Variants in PDIA6 observed in about 807,000 individuals in gnomAD.
PDIA6 encodes protein disulfide isomerase family A member 6.
In PDIA6, 29 loss-of-function variants were observed where a neutral mutation model predicts 58.4. That is an observed-to-expected ratio of 0.50 (90% CI 0.37 to 0.68). The LOEUF (loss-of-function observed/expected upper bound fraction) is 0.68, where lower values mean the gene tolerates loss of function less well. Ranked by LOEUF, PDIA6 falls within the 30% of genes least tolerant of loss-of-function variation. The pLI, the probability that PDIA6 is intolerant of heterozygous loss-of-function variation, is 0.00. For synonymous variants in PDIA6, 192 were observed against 202.6 expected, an observed-to-expected ratio of 0.95 and a Z score of 0.44; for missense variants, 480 against 551.0, an observed-to-expected ratio of 0.87 and a Z score of 1.29.
chr2:10,802,442 T>C (rs1666551557), intron 2 of PDIA6, 57 bp downstream of exon 2: 17 of 1,121,360 alleles, frequency 1.5e-5, no homozygotes, highest in Admixed American at 3.1e-5. Flanking sequence ...TTATACAGCG[T>C]TTTCTCCAAT....
chr2:10,788,065 CAAAA>C (rs565180851), intron 10 of PDIA6, among the ~76,000 whole-genome samples: 1 of 102,166 alleles, frequency 9.8e-6, no homozygotes, highest in Non-Finnish European at 1.9e-5. Flanking sequence ...GACTCTGTCT[CAAAA>C]AAAAAAAAAA....
intron 1 of PDIA6, among the ~76,000 whole-genome samples, chr2:10,809,225 A>T (rs901941326): frequency 6.6e-6 from 1 of 152,238 alleles, no homozygotes; most frequent in African/African-American, 2.4e-5. Flanking sequence ...TAGAAAATTT[A>T]AAATTACATA....
At chr2:10,806,545 T>C (rs1358245817) in intron 1 of PDIA6, among the ~76,000 whole-genome samples, 1 of 148,184 alleles carries the variant, frequency 6.7e-6, no homozygotes, top group Non-Finnish European at 1.5e-5. Context: ...GAGGCCAAAG[T>C]GGGAGGACTG....
chr2:10,827,153 T>A (rs1667575655), intron 1 of PDIA6, among the ~76,000 whole-genome samples: 1 of 152,150 alleles, frequency 6.6e-6, no homozygotes, highest in African/African-American at 2.4e-5. Flanking sequence ...AACCTCCGCC[T>A]CCCGGGTTTA....
At chr2:10,819,326 T>A in exon 2 of PDIA6, 2 of 1,539,196 alleles carry the variant, frequency 1.3e-6, no homozygotes, top group Non-Finnish European at 1.8e-6. Flanking sequence ...TTTTCCTTGA[T>A]AGGGAGTGGG....
intron 1 of PDIA6, among the ~76,000 whole-genome samples, chr2:10,829,020 C>T (rs559324588): frequency 2.0e-5 from 3 of 152,358 alleles, no homozygotes; most frequent in South Asian, 2.1e-4. Flanking sequence ...ACCCAGGTCA[C>T]CCTCTCTTCT....
At chr2:10,834,519 C>T (rs911805835), upstream of PDIA6, among the ~76,000 whole-genome samples, 4 of 152,072 alleles carry the variant, frequency 2.6e-5, no homozygotes, top group African/African-American at 7.2e-5. Context: ...TCCCTGAGCG[C>T]CTGGCAGGAC....
intron 7 of PDIA6, among the ~76,000 whole-genome samples, chr2:10,790,346 TATCA>T (rs1665977802): frequency 6.6e-6 from 1 of 152,176 alleles, no homozygotes; most frequent in Non-Finnish European, 1.5e-5. Flanking sequence ...AGAGGTCAAT[TATCA>T]ATCAGGGAGT....
intron 1 of PDIA6, among the ~76,000 whole-genome samples, chr2:10,829,162 G>C (rs1667636578): frequency 6.6e-6 from 1 of 152,186 alleles, no homozygotes; most frequent in South Asian, 2.1e-4. Context: ...CTTTTGGAGA[G>C]GCTCTGGGCT....
At chr2:10,798,571 C>T (rs892199004) in intron 2 of PDIA6, among the ~76,000 whole-genome samples, 3 of 56,454 alleles carry the variant, frequency 5.3e-5, no homozygotes, top group South Asian at 7.9e-4. Flanking sequence ...CTGTCCCCCA[C>T]CCAAAAAAAA....
chr2:10,835,241 G>GT (rs1475850089), upstream of PDIA6, among the ~76,000 whole-genome samples: 1 of 152,178 alleles, frequency 6.6e-6, no homozygotes, highest in Admixed American at 6.5e-5. Context: ...AGGAAGTGCT[G>GT]TTTCCATCCC....
intron 2 of PDIA6, 25 bp from the exon 3 acceptor site, chr2:10,797,782 C>A: frequency 6.3e-7 from 1 of 1,583,866 alleles, no homozygotes. Context: ...CAACACAAAG[C>A]AACCATTAAA....
rs201184814 is a variant in PDIA6 at position 10,783,928 on chromosome 2, T to TA, written c.*329dup. On this transcript the variant is annotated 3_prime_UTR_variant, in exon 13 of 13. Coordinates refer to ENST00000272227, the MANE Select transcript of PDIA6 (RefSeq NM_005742.4). ...TAATATTCAAATGAAGGGATCACATTAAAAAAAACCCATACATAAGAAACA... is the reference window on the plus strand; with the variant it reads ...TAATATTCAAATGAAGGGATCACATTAAAAAAAAACCCATACATAAGAAACA... The TA allele has an allele frequency of 3.1e-4, 60 of 195,042 alleles. No individual in the cohort carries two copies. Among genetic ancestry groups the TA allele is most frequent in the Non-Finnish European group, 3.9e-4 (38 of 96,426 alleles). 12.1% of individuals were successfully genotyped at this position (195,042 alleles called of 1,614,324 possible).
intron 8 of PDIA6, among the ~76,000 whole-genome samples, chr2:10,789,226 A>C (rs1665922306): frequency 6.6e-6 from 1 of 152,038 alleles, no homozygotes; most frequent in Non-Finnish European, 1.5e-5. Context: ...AACATCTCTG[A>C]AATCGCAATG....
At chr2:10,830,067 G>A (rs1667667824) in intron 1 of PDIA6, among the ~76,000 whole-genome samples, 1 of 152,118 alleles carries the variant, frequency 6.6e-6, no homozygotes, top group Non-Finnish European at 1.5e-5. Context: ...CTTAAGCCAT[G>A]GCAGCCCTTC....
chr2:10,823,351 G>A (rs1667457147), intron 1 of PDIA6: 1 of 152,196 alleles, frequency 6.6e-6, no homozygotes, highest in African/African-American at 2.4e-5. Context: ...ACTCCCAGGA[G>A]GTTACTTCTA....
chr2:10,828,278 A>G (rs1667611214), intron 1 of PDIA6, among the ~76,000 whole-genome samples: 1 of 152,120 alleles, frequency 6.6e-6, no homozygotes, highest in Admixed American at 6.5e-5. Context: ...ACCTACCCCC[A>G]ATTTGCTTTA....
chr2:10,822,710 G>A (rs1013532112), intron 1 of PDIA6, among the ~76,000 whole-genome samples: 6 of 152,320 alleles, frequency 3.9e-5, no homozygotes, highest in Non-Finnish European at 4.4e-5. Context: ...GCTTGGGATC[G>A]GTGCAGTAGC....
At position 10,819,714 on chromosome 2, in the gene PDIA6, C is replaced by T. The variant is rs532606323; in HGVS notation, c.-47-360G>A. On this transcript the variant is annotated intron_variant, in intron 1 of 13. Coordinates refer to the PDIA6 transcript ENST00000381611. ...AGGAAAGAGGAACCTCCATCCACTTCGTAGCCCAGGTCTGACCGTAATTCC... is the reference window on the plus strand; with the variant it reads ...AGGAAAGAGGAACCTCCATCCACTTTGTAGCCCAGGTCTGACCGTAATTCC... Among the ~76,000 whole-genome samples, 145 of 152,340 alleles carry T rather than the reference C, an allele frequency of 9.5e-4. 1 individual carries two copies. The highest frequency in any genetic ancestry group is 3.0e-3 in the African/African-American group (126 of 41,584).
Sources: allele counts gnomAD v4.1 joint callset (sites outside exome capture counted in the v4.1 genomes callset), GRCh38; gene constraint gnomAD v4.1.1; transcripts MANE v1.5; gene names NCBI Gene and HGNC (gene_info 2026-07-23, HGNC 2026-07-21).